ZBBX: variants seen among roughly 807,000 people sequenced by gnomAD.
ZBBX encodes the protein zinc finger B-box domain-containing protein 1.
ZBBX carries 101 observed loss-of-function variants against 108.5 expected under a neutral mutation model. The ratio of observed to expected loss-of-function variants is 0.93; its 90% CI spans 0.79 to 1.10. ZBBX has a LOEUF of 1.10. Ranked by LOEUF, ZBBX falls within the 50% of genes least tolerant of loss-of-function variation. The probability of loss-of-function intolerance (pLI) is 0.00; values close to 1 mark genes in which losing one functional copy is unlikely to be tolerated. For missense variants in ZBBX, 1,009 were observed against 941.4 expected (o/e 1.07, Z -0.94); for synonymous variants, 356 against 323.4 (o/e 1.10, Z -1.08).
At chr3:167,320,783 T>C (rs779503734) in intron 12 of ZBBX, among the ~76,000 whole-genome samples, 6 of 152,004 alleles carry the variant, frequency 3.9e-5, no homozygotes, top group Non-Finnish European at 8.8e-5. Context: ...GTGGCATTTT[T>C]CCTCACAGTG....
At chr3:167,262,949 T>C (rs1339964063) in intron 20 of ZBBX, among the ~76,000 whole-genome samples, 1 of 152,132 alleles carries the variant, frequency 6.6e-6, no homozygotes, top group African/African-American at 2.4e-5. Context: ...TTTTCTTCCA[T>C]TCAAATTCAT....
At chr3:167,252,155 C>G in intron 20 of ZBBX, 1 of 1,289,364 alleles carries the variant, frequency 7.8e-7, no homozygotes, top group Non-Finnish European at 1.0e-6. Flanking sequence ...TCTTATTCTC[C>G]CAGCTCCTTA....
chr3:167,333,600 G>A (rs1739033767), intron 10 of ZBBX, among the ~76,000 whole-genome samples: 1 of 152,140 alleles, frequency 6.6e-6, no homozygotes, highest in African/African-American at 2.4e-5. Flanking sequence ...AAGACATATG[G>A]TCAAAAGATC....
At chr3:167,181,472 C>T in the ZBBX span, among the ~76,000 whole-genome samples, 2,042 of 152,294 alleles carry the variant, frequency 0.013, 22 homozygotes, top group South Asian at 0.026. Context: ...ATTGACCATG[C>T]GGAAGGCCAA....
the ZBBX span, among the ~76,000 whole-genome samples, chr3:167,187,570 T>C: frequency 6.6e-6 from 1 of 152,182 alleles, no homozygotes; most frequent in Non-Finnish European, 1.5e-5. Flanking sequence ...GCACCTTCCA[T>C]TGTCACACTA....
the ZBBX span, among the ~76,000 whole-genome samples, chr3:167,209,367 T>G: frequency 6.6e-6 from 1 of 151,970 alleles, no homozygotes; most frequent in Non-Finnish European, 1.5e-5. Flanking sequence ...ACCCCCCTCC[T>G]CAATTCCAGA....
At chr3:167,323,756 A>C (rs1396728563) in intron 11 of ZBBX, among the ~76,000 whole-genome samples, 1 of 152,110 alleles carries the variant, frequency 6.6e-6, no homozygotes, top group Non-Finnish European at 1.5e-5. Context: ...CTGATGGGAA[A>C]GTATGCCTAA....
At position 167,350,370 on chromosome 3, in the gene ZBBX, G is replaced by A. The variant is rs149083779; in HGVS notation, c.528+50C>T. On this transcript the variant is annotated intron_variant, in intron 9 of 21. Transcript: ENST00000675490. The stretch of plus-strand genomic sequence containing the variant: ...AAAGACATTTTAAATGTCTTTATGT[G>A]GAAACATTTTATAAACACACTACAA... 1.2e-3 allele frequency: 1,663 copies of A among 1,412,540 alleles called. 17 individuals are homozygous for A. The African/African-American group carries it at 0.021, about 18-fold the overall frequency. 87.5% of individuals were successfully genotyped at this position (1,412,540 alleles called of 1,614,324 possible). A position where few individuals can be genotyped will look rare whatever the true frequency, so the allele number is the denominator to read the frequency against.
chr3:167,282,196 G>A, intron 20 of ZBBX, 42 bp downstream of exon 20: 2 of 1,561,790 alleles, frequency 1.3e-6, no homozygotes, highest in Non-Finnish European at 1.7e-6. Context: ...TGAGGGCAGA[G>A]TTAATTAGCA....
At chr3:167,261,763 G>A (rs1173664621) in intron 20 of ZBBX, among the ~76,000 whole-genome samples, 6 of 99,100 alleles carry the variant, frequency 6.1e-5, no homozygotes, top group East Asian at 3.0e-4. Context: ...CAGGCTACCC[G>A]CCTCCCAACT....
the ZBBX span, among the ~76,000 whole-genome samples, chr3:167,227,751 T>C: frequency 6.6e-6 from 1 of 151,734 alleles, no homozygotes; most frequent in Non-Finnish European, 1.5e-5. Context: ...GAAATGGATT[T>C]CTACCCAGTT....
chr3:167,254,335 T>TAC (rs1723101488), intron 20 of ZBBX, among the ~76,000 whole-genome samples: 1 of 152,188 alleles, frequency 6.6e-6, no homozygotes, highest in South Asian at 2.1e-4. Flanking sequence ...GTGAACCGGG[T>TAC]ACAGTGTATG....
the ZBBX span, among the ~76,000 whole-genome samples, chr3:167,223,510 C>G: frequency 1.3e-5 from 2 of 151,914 alleles, no homozygotes; most frequent in Admixed American, 1.3e-4. Flanking sequence ...GCCTCTAGCT[C>G]TATGACTTTG....
chr3:167,305,812 G>C lies in ZBBX; in HGVS notation c.1556C>G (p.Ser519Cys). 1 of 1,612,706 alleles carries C rather than the reference G, an allele frequency of 6.2e-7. No homozygotes were observed. Among genetic ancestry groups the C allele is most frequent in the Non-Finnish European group, 8.5e-7 (1 of 1,179,344 alleles). Reference sequence around the variant, plus strand: ...TTCAAGTGATACACAGGAATCATCAGACTTTTGATTACTTTCTAAACCTAT... The same window carrying C: ...TTCAAGTGATACACAGGAATCATCACACTTTTGATTACTTTCTAAACCTAT... ...KNIGLESNQK[S>C]DDSCVSLESK... Residue 519 changes from serine to cysteine, a missense_variant, in exon 17 of 22, where the codon TCT (serine) becomes TGT (cysteine). Transcript: ENST00000675490.
chr3:167,395,835 G>A (rs758080882), intron 1 of ZBBX, among the ~76,000 whole-genome samples: 6 of 151,928 alleles, frequency 3.9e-5, no homozygotes, highest in South Asian at 2.1e-4. Context: ...AAGAGAGAAA[G>A]CCATGTAGCC....
At chr3:167,388,399 A>T (rs932624801) in intron 1 of ZBBX, among the ~76,000 whole-genome samples, 4 of 151,854 alleles carry the variant, frequency 2.6e-5, no homozygotes, top group Admixed American at 1.3e-4. Context: ...CTTTAAACAG[A>T]GGAGTGACAA....
intron 10 of ZBBX, among the ~76,000 whole-genome samples, chr3:167,333,400 T>C (rs1254708817): frequency 6.6e-6 from 1 of 152,118 alleles, no homozygotes; most frequent in Non-Finnish European, 1.5e-5. Flanking sequence ...CTGCCAGAAT[T>C]TGGTATAAAT....
chr3:167,245,442 C>T (rs1288726568), intron 20 of ZBBX, among the ~76,000 whole-genome samples: 1 of 152,128 alleles, frequency 6.6e-6, no homozygotes. Flanking sequence ...GTTTATTTCT[C>T]CTTTTCCTAT....
At chr3:167,356,580 A>C (rs1022071152) in intron 8 of ZBBX, among the ~76,000 whole-genome samples, 3 of 152,154 alleles carry the variant, frequency 2.0e-5, no homozygotes, top group African/African-American at 7.2e-5. Flanking sequence ...ATTGCAAATG[A>C]TGCTGCAGTA....
Sources: gnomAD v4.1 joint callset for allele counts (sites outside exome capture counted in the v4.1 genomes callset) on GRCh38, gnomAD v4.1.1 for gene constraint, MANE v1.5 for transcripts, NCBI Gene and HGNC (gene_info 2026-07-23, HGNC 2026-07-21) for gene names.